Variants in RARB observed in about 807,000 individuals in gnomAD.
The protein encoded by RARB is retinoic acid receptor beta, also known as HBV-activated protein.
In RARB, 17 loss-of-function variants were observed where a neutral mutation model predicts 51.9. The ratio of observed to expected loss-of-function variants is 0.33; its 90% CI spans 0.22 to 0.49. RARB has a LOEUF of 0.49. Ranked by LOEUF, RARB falls within the 20% of genes least tolerant of loss-of-function variation. The pLI is 0.99. For synonymous variants in RARB, 215 were observed against 195.4 expected (o/e 1.10, Z -0.84); for missense variants, 369 against 550.8 (o/e 0.67, Z 3.30).
At chr3:25,095,915 A>G (rs576318474) in intron 3 of RARB, among the ~76,000 whole-genome samples, 19 of 152,120 alleles carry the variant, frequency 1.2e-4, no homozygotes, top group Non-Finnish European at 2.6e-4. Flanking sequence ...TTTTAAATCT[A>G]CATCTTCCAA....
intron 2 of RARB, among the ~76,000 whole-genome samples, chr3:25,029,360 A>G (rs568910023): frequency 6.6e-6 from 1 of 152,342 alleles, no homozygotes; most frequent in African/African-American, 2.4e-5. Context: ...CTTCTTAGAA[A>G]GCAGGAGGCT....
At chr3:24,947,927 G>A (rs1448616393) in intron 2 of RARB, among the ~76,000 whole-genome samples, 1 of 151,872 alleles carries the variant, frequency 6.6e-6, no homozygotes, top group African/African-American at 2.4e-5. Context: ...TGTAGTGCAT[G>A]CTTAATGATG....
At chr3:25,012,858 TAATA>T (rs1697427752) in intron 2 of RARB, among the ~76,000 whole-genome samples, 1 of 152,108 alleles carries the variant, frequency 6.6e-6, no homozygotes, top group African/African-American at 2.4e-5. Flanking sequence ...ACGGAAATAA[TAATA>T]AGACCAACTC....
At chr3:24,963,572 A>G (rs1214661076) in intron 2 of RARB, among the ~76,000 whole-genome samples, 1 of 151,750 alleles carries the variant, frequency 6.6e-6, no homozygotes, top group Non-Finnish European at 1.5e-5. Flanking sequence ...AACTTTTAGA[A>G]CTAAATTCTC....
At chr3:25,025,784 T>G (rs62228505) in intron 2 of RARB, among the ~76,000 whole-genome samples, 16,880 of 152,150 alleles carry the variant, frequency 0.11, 996 homozygotes, top group Non-Finnish European at 0.13. Context: ...AAGTAAACAC[T>G]TTGTGAAACA....
At chr3:25,299,275 C>G (rs965769954) in intron 5 of RARB, among the ~76,000 whole-genome samples, 2 of 152,150 alleles carry the variant, frequency 1.3e-5, no homozygotes, top group African/African-American at 4.8e-5. Context: ...ATTCTCACTG[C>G]AGCCTCGACA....
intron 5 of RARB, among the ~76,000 whole-genome samples, chr3:25,176,320 T>G (rs1700744612): frequency 2.6e-5 from 1 of 39,088 alleles, no homozygotes. Context: ...TTTCTTTCTT[T>G]CTTTCTTTCT....
chr3:24,945,418 A>G (rs1695752658), intron 2 of RARB, among the ~76,000 whole-genome samples: 1 of 152,192 alleles, frequency 6.6e-6, no homozygotes, highest in Non-Finnish European at 1.5e-5. Context: ...TGCACCTGCA[A>G]ATGCCTGTGA....
At chr3:25,370,364 AG>A (rs1706261184) in intron 5 of RARB, among the ~76,000 whole-genome samples, 1 of 152,332 alleles carries the variant, frequency 6.6e-6, no homozygotes, top group Admixed American at 6.5e-5. Flanking sequence ...AAATTCCATA[AG>A]GAAGTAACTG....
At chr3:25,062,751 T>G (rs974072281) in intron 3 of RARB, among the ~76,000 whole-genome samples, 2 of 151,928 alleles carry the variant, frequency 1.3e-5, no homozygotes, top group Non-Finnish European at 2.9e-5. Flanking sequence ...TGGTTGCCTA[T>G]GTTTGGGGCC....
rs10674681 is a variant in RARB at position 25,544,947 on chromosome 3, TTTGTTG to T, written c.449-24790_449-24785del. 2.9e-3 allele frequency among the ~76,000 whole-genome samples: 442 copies of T among 151,822 alleles called. 2 individuals are homozygous for T. The highest frequency in any genetic ancestry group is 0.01 in the African/African-American group (419 of 41,330). On this transcript the variant is annotated intron_variant, in intron 3 of 7. Transcript: ENST00000330688. ...GGATTTTATTCTGTTGTCTGTACATTTTGTTGTTGTTGTTGTTGTTGTTGTTTTTCT... is the reference window on the plus strand; with the variant it reads ...GGATTTTATTCTGTTGTCTGTACATTTTGTTGTTGTTGTTGTTGTTTTTCT...
chr3:25,091,095 G>A (rs1292142118), intron 3 of RARB, among the ~76,000 whole-genome samples: 1 of 152,136 alleles, frequency 6.6e-6, no homozygotes, highest in Non-Finnish European at 1.5e-5. Flanking sequence ...CTGGGGCTTG[G>A]ATTAAATGTT....
intron 5 of RARB, among the ~76,000 whole-genome samples, chr3:25,177,466 T>G (rs967466220): frequency 2.0e-5 from 3 of 152,236 alleles, no homozygotes; most frequent in Admixed American, 2.0e-4. Context: ...ATTCATGTCA[T>G]TGAACTGTAG....
intron 5 of RARB, among the ~76,000 whole-genome samples, chr3:25,581,080 A>G (rs905676274): frequency 1.3e-5 from 2 of 152,106 alleles, no homozygotes; most frequent in Non-Finnish European, 2.9e-5. Context: ...TTACTGAGTA[A>G]TCATTGCCAC....
chr3:25,229,971 CAT>C (rs1702139135), intron 5 of RARB, among the ~76,000 whole-genome samples: 1 of 152,120 alleles, frequency 6.6e-6, no homozygotes, highest in South Asian at 2.1e-4. Context: ...TATGATAAAA[CAT>C]ATTTCTAGAG....
chr3:25,558,051 C>T (rs1156773392), intron 3 of RARB, among the ~76,000 whole-genome samples: 1 of 152,230 alleles, frequency 6.6e-6, no homozygotes, highest in African/African-American at 2.4e-5. Flanking sequence ...CAGTGAGCCT[C>T]TCTCTGCAAA....
intron 3 of RARB, among the ~76,000 whole-genome samples, chr3:25,069,382 CCTT>C (rs1698725699): frequency 6.6e-6 from 1 of 152,156 alleles, no homozygotes; most frequent in Non-Finnish European, 1.5e-5. Flanking sequence ...AGAAAGTAAA[CCTT>C]CTCTAAGGGC....
intron 5 of RARB, among the ~76,000 whole-genome samples, chr3:25,349,762 G>T (rs946582228): frequency 5.9e-5 from 9 of 151,722 alleles, no homozygotes; most frequent in South Asian, 4.2e-4. Context: ...AATAATTATT[G>T]CTGAGTAACA....
intron 2 of RARB, among the ~76,000 whole-genome samples, chr3:24,980,863 T>C (rs1696649437): frequency 6.6e-6 from 1 of 152,236 alleles, no homozygotes; most frequent in African/African-American, 2.4e-5. Context: ...TTTGGAATTT[T>C]CAGCCTTTCT....
Sources: allele counts gnomAD v4.1 joint callset (sites outside exome capture counted in the v4.1 genomes callset), GRCh38; gene constraint gnomAD v4.1.1; transcripts MANE v1.5; gene names NCBI Gene and HGNC (gene_info 2026-07-23, HGNC 2026-07-21).